The following EEF1AKMT1 variants were observed in gnomAD, a reference collection of about 807,000 sequenced individuals.
EEF1AKMT1 encodes EEF1A lysine methyltransferase 1.
A neutral mutation model predicts 21.0 loss-of-function variants in EEF1AKMT1; 18 were observed. That is an observed-to-expected ratio of 0.86 (90% CI 0.59 to 1.27). EEF1AKMT1 has a LOEUF of 1.27. Ranked by LOEUF, EEF1AKMT1 falls within the 50% of genes most tolerant of loss-of-function variation. The pLI is 0.00. For synonymous variants in EEF1AKMT1, 109 were observed against 94.8 expected (o/e 1.15, Z -0.87); for missense variants, 246 against 258.6 (o/e 0.95, Z 0.33).
At chr13:20,751,636 T>C (rs147349636) in intron 2 of EEF1AKMT1, among the ~76,000 whole-genome samples, 145 of 150,998 alleles carry the variant, frequency 9.6e-4, no homozygotes, top group African/African-American at 3.4e-3. Context: ...GCTTTGGCCA[T>C]TCAGGCTGTT....
intron 1 of EEF1AKMT1, among the ~76,000 whole-genome samples, chr13:20,763,369 G>A (rs571455114): frequency 6.6e-6 from 1 of 151,944 alleles, no homozygotes; most frequent in South Asian, 2.1e-4. Flanking sequence ...TTGGTGCAAA[G>A]GTAATTGCTG....
rs2058834169 is a variant in EEF1AKMT1, at chr13:20,737,709, A to C, written c.227+14T>G. 2 of 1,607,766 alleles carry C rather than the reference A, an allele frequency of 1.2e-6. No homozygotes were observed. Among genetic ancestry groups the C allele is most frequent in the Non-Finnish European group, 1.7e-6 (2 of 1,176,350 alleles). ...ATTACATTAGATGCCAAAAAGAGAAAATTTGAATCTCACCTGCCACCTTCT... is the reference window on the plus strand; with the variant it reads ...ATTACATTAGATGCCAAAAAGAGAACATTTGAATCTCACCTGCCACCTTCT... On this transcript the variant is annotated intron_variant, in intron 3 of 4. Coordinates refer to ENST00000382758, the MANE Select transcript of EEF1AKMT1 (RefSeq NM_001318939.2).
chr13:20,765,409 T>TTTTG (rs2059024208), intron 1 of EEF1AKMT1, among the ~76,000 whole-genome samples: 1 of 120,306 alleles, frequency 8.3e-6, no homozygotes, highest in Admixed American at 8.5e-5. Flanking sequence ...CCTTGGGTTT[T>TTTTG]TTTTTTTTTT....
At chr13:20,765,047 G>A (rs529821882) in intron 1 of EEF1AKMT1, among the ~76,000 whole-genome samples, 103 of 152,074 alleles carry the variant, frequency 6.8e-4, no homozygotes, top group African/African-American at 2.4e-3. Context: ...GGATCACGAG[G>A]TCAGGAGTTT....
chr13:20,766,958 T>C (rs956218241), intron 1 of EEF1AKMT1, among the ~76,000 whole-genome samples: 13 of 152,328 alleles, frequency 8.5e-5, no homozygotes, highest in African/African-American at 3.1e-4. Context: ...CACACTACAT[T>C]GTTAAATTAA....
intron 2 of EEF1AKMT1, among the ~76,000 whole-genome samples, chr13:20,746,520 A>G (rs1422445246): frequency 6.6e-6 from 1 of 152,202 alleles, no homozygotes. Context: ...GACATCTGGA[A>G]GAAAGCCCCT....
chr13:20,747,422 C>A, intron 2 of EEF1AKMT1: 1 of 215,494 alleles, frequency 4.6e-6, no homozygotes, highest in Non-Finnish European at 9.9e-6. Context: ...GGGATGTTTT[C>A]ACATAAACGT....
intron 2 of EEF1AKMT1, among the ~76,000 whole-genome samples, chr13:20,744,731 T>TG (rs1357873294): frequency 6.6e-6 from 1 of 152,262 alleles, no homozygotes; most frequent in African/African-American, 2.4e-5. Context: ...CCATTGCTTT[T>TG]GGTGTTTTAG....
chr13:20,763,266 G>T (rs1388276983), intron 1 of EEF1AKMT1, among the ~76,000 whole-genome samples: 1 of 151,994 alleles, frequency 6.6e-6, no homozygotes, highest in African/African-American at 2.4e-5. Flanking sequence ...ATGTGCTATG[G>T]ATTCAATTGA....
chr13:20,737,873 T>A (rs926933928), intron 2 of EEF1AKMT1, 68 bp from the exon 3 acceptor site: 3 of 1,094,398 alleles, frequency 2.7e-6, no homozygotes, highest in Non-Finnish European at 4.1e-6. Context: ...AATTTATATA[T>A]AATCTATACC....
intron 3 of EEF1AKMT1, 58 bp downstream of exon 3, chr13:20,737,665 C>T: frequency 7.2e-7 from 1 of 1,379,850 alleles, no homozygotes; most frequent in Non-Finnish European, 1.0e-6. Context: ...ATCTGTCATC[C>T]AGGAAAGACA....
At chr13:20,747,827 G>T in intron 2 of EEF1AKMT1, 1 of 164,002 alleles carries the variant, frequency 6.1e-6, no homozygotes, top group East Asian at 1.7e-4. Flanking sequence ...GCTGGGCTTG[G>T]ATATAATAGC....
chr13:20,738,992 C>T (rs1470607730), intron 2 of EEF1AKMT1, among the ~76,000 whole-genome samples: 1 of 152,202 alleles, frequency 6.6e-6, no homozygotes, highest in Admixed American at 6.5e-5. Context: ...TGTGACAGTT[C>T]TTAAAGATAG....
rs1302990672 is a variant in EEF1AKMT1 at position 20,736,760 on chromosome 13, CAG to C, written c.227+961_227+962del. On this transcript the variant is annotated intron_variant, in intron 3 of 4. Coordinates refer to ENST00000382758, the MANE Select transcript of EEF1AKMT1 (RefSeq NM_001318939.2). ...TTTTTTTTTTTTTTTTTTTTTGAGACAGAGTCTCACTCTGTCTCCCAGGCTGG... is the reference window on the plus strand; with the variant it reads ...TTTTTTTTTTTTTTTTTTTTTGAGACAGTCTCACTCTGTCTCCCAGGCTGG... Among the ~76,000 whole-genome samples the C allele has an allele frequency of 1.2e-4, 10 of 86,564 alleles. No individual in the cohort carries two copies. In the South Asian group the frequency reaches 2.1e-3, roughly 18 times the overall value. The allele number at this position is 86,564 out of a possible 152,430, so 56.8% of individuals were successfully genotyped here. A position where few individuals can be genotyped will look rare whatever the true frequency, so the allele number is the denominator to read the frequency against.
At chr13:20,773,832 A>C (rs1447329965) in intron 1 of EEF1AKMT1, 89 bp downstream of exon 1, 1 of 152,630 alleles carries the variant, frequency 6.6e-6, no homozygotes, top group Non-Finnish European at 1.5e-5. Flanking sequence ...AAAGGTGAGA[A>C]ACAAACACAC....
At chr13:20,749,219 C>T (rs2058927926) in intron 2 of EEF1AKMT1, among the ~76,000 whole-genome samples, 1 of 152,072 alleles carries the variant, frequency 6.6e-6, no homozygotes, top group Non-Finnish European at 1.5e-5. Flanking sequence ...TTCTAACATC[C>T]TCTATTGGCC....
intron 2 of EEF1AKMT1, among the ~76,000 whole-genome samples, chr13:20,738,969 C>T (rs989904790): frequency 6.6e-6 from 1 of 152,162 alleles, no homozygotes; most frequent in Non-Finnish European, 1.5e-5. Context: ...AAGCTGTGGA[C>T]CCTCACGATG....
intron 1 of EEF1AKMT1, among the ~76,000 whole-genome samples, chr13:20,759,920 C>T (rs1240697839): frequency 3.9e-5 from 6 of 152,118 alleles, no homozygotes; most frequent in African/African-American, 1.2e-4. Flanking sequence ...CTAGCTAACA[C>T]AGTCAAACCC....
intron 3 of EEF1AKMT1, among the ~76,000 whole-genome samples, chr13:20,735,326 G>C (rs1566527680): frequency 6.6e-6 from 1 of 151,962 alleles, no homozygotes; most frequent in Non-Finnish European, 1.5e-5. Flanking sequence ...CCCAAAGCCT[G>C]CCCCCCACCA....
Sources: gnomAD v4.1 joint callset for allele counts (sites outside exome capture counted in the v4.1 genomes callset) on GRCh38, gnomAD v4.1.1 for gene constraint, MANE v1.5 for transcripts, NCBI Gene and HGNC (gene_info 2026-07-23, HGNC 2026-07-21) for gene names.